Variants in BPTF observed in about 807,000 individuals in gnomAD.
BPTF encodes nucleosome-remodeling factor subunit BPTF.
In BPTF, 18 loss-of-function variants were observed where a neutral mutation model predicts 292.5. The observed-to-expected ratio is 0.06, with a 90% confidence interval of 0.04 to 0.09. The LOEUF is 0.09. BPTF is among the 10% of genes least tolerant of loss of function. BPTF has a pLI of 1.00. For synonymous variants in BPTF, 1,225 were observed against 1,251.9 expected (o/e 0.98, Z 0.45); for missense variants, 2,726 against 3,498.7 (o/e 0.78, Z 5.57).
At chr17:67,840,672 C>T (rs1243164139) in intron 1 of BPTF, among the ~76,000 whole-genome samples, 2 of 152,116 alleles carry the variant, frequency 1.3e-5, no homozygotes, top group African/African-American at 4.8e-5. Context: ...AGGTGATCCT[C>T]CCACTTCAGC....
chr17:67,901,370 T>A (rs2061830462), intron 7 of BPTF, among the ~76,000 whole-genome samples: 1 of 151,906 alleles, frequency 6.6e-6, no homozygotes, highest in South Asian at 2.1e-4. Context: ...TGAATTAATT[T>A]ATGTTTTTGT....
chr17:67,895,866 T>C (rs1435291579), intron 7 of BPTF, among the ~76,000 whole-genome samples: 1 of 148,320 alleles, frequency 6.7e-6, no homozygotes, highest in East Asian at 1.9e-4. Context: ...GAGAGACTTT[T>C]ACCCTGTGTA....
rs2062729843 is a variant in BPTF at position 67,912,659 on chromosome 17, C to G, written c.4775C>G (p.Thr1592Ser). 6.2e-7 allele frequency: 1 copy of G among 1,613,908 alleles called. No homozygotes were observed. Among genetic ancestry groups the G allele is most frequent in the African/African-American group, 1.3e-5 (1 of 74,912 alleles). The change falls in exon 11 of 28, where the codon ACC becomes AGC. Residue 1592 changes from threonine (T) to serine (S), a missense_variant. Thr to Ser is a moderately conservative substitution (Grantham distance 58). Around this residue, in one of 22 missense-constraint regions of BPTF, gnomAD observed 144 missense variants for 177.2 expected, o/e 0.81. Coordinates refer to ENST00000306378, the MANE Select transcript of BPTF (RefSeq NM_182641.4). ...KTVITEVTTMTSTVATESKTV... is the reference protein window; with the variant it reads ...KTVITEVTTMSSTVATESKTV... Reference sequence around the variant, plus strand: ...GTCATCACAGAAGTCACCACGATGACCTCCACAGTGGCCACAGAATCAAAA... The same window carrying G: ...GTCATCACAGAAGTCACCACGATGAGCTCCACAGTGGCCACAGAATCAAAA...
At chr17:67,887,066 G>T (rs1334880364) in intron 4 of BPTF, among the ~76,000 whole-genome samples, 1 of 152,154 alleles carries the variant, frequency 6.6e-6, no homozygotes, top group Non-Finnish European at 1.5e-5. Flanking sequence ...CTGCTTAATT[G>T]TATATCAAAA....
At chr17:67,976,322 A>T (rs2069411482) in intron 27 of BPTF, among the ~76,000 whole-genome samples, 1 of 152,146 alleles carries the variant, frequency 6.6e-6, no homozygotes. Context: ...AAAATACAAA[A>T]ATTAGCCAGG....
intron 15 of BPTF, among the ~76,000 whole-genome samples, chr17:67,924,811 G>T (rs1411409676): frequency 6.6e-6 from 1 of 152,074 alleles, no homozygotes; most frequent in Non-Finnish European, 1.5e-5. Flanking sequence ...TATCACCCAG[G>T]CTGGAGTAGA....
In BPTF at chr17:67,984,263, G is replaced by A. The variant is rs2148725790; in HGVS notation, c.*1975G>A. 1 of 152,582 alleles carries A rather than the reference G, an allele frequency of 6.6e-6. No homozygotes were observed. Among genetic ancestry groups the A allele is most frequent in the South Asian group, 2.1e-4 (1 of 4,826 alleles). 9.5% of individuals were successfully genotyped at this position (152,582 alleles called of 1,614,324 possible). A position where few individuals can be genotyped will look rare whatever the true frequency, so the allele number is the denominator to read the frequency against. On this transcript the variant is annotated 3_prime_UTR_variant, in exon 28 of 28. Transcript: ENST00000306378. The stretch of plus-strand genomic sequence containing the variant: ...TGTTGCAGCAAGAACTTTCCTACCT[G>A]TAGGCAATAGATTGCTATGTTTTTA...
chr17:67,865,307 C>T (rs1033754918), intron 2 of BPTF, among the ~76,000 whole-genome samples: 2 of 152,134 alleles, frequency 1.3e-5, no homozygotes, highest in African/African-American at 4.8e-5. Flanking sequence ...TGACTTATTC[C>T]TGGAATGCTG....
Position 67,911,127 on chromosome 17 carries a change from A to T in BPTF, c.3243A>T (p.Lys1081Asn). The change falls in exon 11 of 28, where the codon AAA (lysine) becomes AAT (asparagine). Residue 1081 changes from lysine (K) to asparagine (N), a missense_variant. Lys to Asn is a moderately conservative substitution (Grantham distance 94). Coordinates refer to ENST00000306378, the MANE Select transcript of BPTF (RefSeq NM_182641.4). ...TGGAAGAAAAACAGCGACTCGAAAA[A>T]ATCAAGTTGGAGGGTGGAATTAAGG... Reference protein sequence around the residue: ...FTLEEKQRLEKIKLEGGIKGI... With the variant: ...FTLEEKQRLENIKLEGGIKGI... 2.5e-6 allele frequency: 4 copies of T among 1,614,100 alleles called. No individual in the cohort carries two copies. The highest frequency in any genetic ancestry group is 3.4e-6 in the Non-Finnish European group (4 of 1,180,014).
intron 24 of BPTF, among the ~76,000 whole-genome samples, chr17:67,961,527 T>C (rs2067486424): frequency 6.6e-6 from 1 of 152,046 alleles, no homozygotes; most frequent in Admixed American, 6.6e-5. Flanking sequence ...CCTGTGGCAG[T>C]GAAAATCATG....
At position 67,866,469 on chromosome 17, in the gene BPTF, A is replaced by G; in HGVS notation, c.1442A>G (p.Glu481Gly). 6.2e-7 allele frequency: 1 copy of G among 1,600,538 alleles called. No homozygotes were observed. The highest frequency in any genetic ancestry group is 8.6e-7 in the Non-Finnish European group (1 of 1,167,786). The change falls in exon 3 of 28, where the codon GAA (glutamate) becomes GGA (glycine). Residue 481 changes from glutamate (E) to glycine (G), a missense_variant. Physicochemically the swap from Glu to Gly is moderately conservative, Grantham distance 98 (BLOSUM62 -2). Transcript: ENST00000306378. The part of the protein sequence containing the change: ...WFLNRRLIIE[E>G]DTENENEKKI... ...TTCCCCCCATTTTTAAACAGAGAAG[A>G]AGATACAGAAAATGAAAATGAAAAG...
intron 24 of BPTF, among the ~76,000 whole-genome samples, chr17:67,961,596 C>T (rs1197301168): frequency 6.6e-6 from 1 of 152,156 alleles, no homozygotes; most frequent in Non-Finnish European, 1.5e-5. Context: ...CCTGTAATCT[C>T]AGCACTTTGG....
At chr17:67,886,538 A>G (rs2060768526) in intron 4 of BPTF, among the ~76,000 whole-genome samples, 1 of 151,916 alleles carries the variant, frequency 6.6e-6, no homozygotes, top group Non-Finnish European at 1.5e-5. Flanking sequence ...TTCAAAATCT[A>G]CAAAAGCACA....
chr17:67,894,926 C>T (rs577091457), intron 7 of BPTF, among the ~76,000 whole-genome samples: 20 of 152,054 alleles, frequency 1.3e-4, no homozygotes, highest in Admixed American at 1.2e-3. Context: ...ACTTTTTAGC[C>T]CTGATAGACT....
At chr17:67,923,299 C>T (rs1405622733) in intron 14 of BPTF, among the ~76,000 whole-genome samples, 1 of 150,754 alleles carries the variant, frequency 6.6e-6, no homozygotes, top group Non-Finnish European at 1.5e-5. Flanking sequence ...CTCAAGCAAT[C>T]CACCCAACTT....
At chr17:67,975,242 TTACA>T (rs2069262331) in intron 26 of BPTF, 1 of 152,338 alleles carries the variant, frequency 6.6e-6, no homozygotes, top group South Asian at 2.1e-4. Context: ...TATTTTTCCC[TTACA>T]TTTAAGTGGA....
intron 11 of BPTF, among the ~76,000 whole-genome samples, chr17:67,914,746 T>C (rs2062868838): frequency 6.6e-6 from 1 of 152,154 alleles, no homozygotes; most frequent in Non-Finnish European, 1.5e-5. Flanking sequence ...CAAGTGTTGC[T>C]CGGGGCCCTG....
intron 21 of BPTF, 67 bp downstream of exon 21, chr17:67,946,392 T>C: frequency 1.9e-6 from 3 of 1,546,240 alleles, no homozygotes; most frequent in Non-Finnish European, 2.6e-6. Context: ...GTAGAATTAG[T>C]GTTTGGTTGT....
chr17:67,904,859 A>G lies in BPTF; in HGVS notation c.2812+19A>G, dbSNP rs1480044900. 7 of 1,588,312 alleles carry G rather than the reference A, an allele frequency of 4.4e-6. No individual in the cohort carries two copies. The South Asian group carries it at 5.6e-5, about 13-fold the overall frequency. On this transcript the variant is annotated intron_variant, in intron 9 of 27. Coordinates refer to ENST00000306378, the MANE Select transcript of BPTF (RefSeq NM_182641.4). ...GAAGGAAGTAAGTAATTAAAATTAC[A>G]TGTCCTGCATAATCGTTTCTGCTTT...
Sources: allele counts gnomAD v4.1 joint callset (sites outside exome capture counted in the v4.1 genomes callset), GRCh38; gene constraint gnomAD v4.1.1; regional missense constraint gnomAD v4.1.1; transcripts MANE v1.5; gene names NCBI Gene and HGNC (gene_info 2026-07-23, HGNC 2026-07-21).